The following INSL6 variants were observed in gnomAD, a reference collection of about 807,000 sequenced individuals.
The protein encoded by INSL6 is insulin like 6, also known as insulin-like peptide INSL6.
INSL6 carries 16 observed loss-of-function variants against 9.4 expected under a neutral mutation model. That is an observed-to-expected ratio of 1.70 (90% CI 1.15 to 2.59). The LOEUF is 2.59. Among genes scored for constraint, INSL6 ranks in the 30% most tolerant of loss-of-function variants. The pLI is 0.00. For synonymous variants in INSL6, 154 were observed against 96.9 expected (o/e 1.59, Z -3.46); for missense variants, 391 against 257.3 (o/e 1.52, Z -3.56).
At chr9:5,160,132 C>T (rs1188878929), downstream of INSL6, among the ~76,000 whole-genome samples, 2 of 147,844 alleles carry the variant, frequency 1.4e-5, no homozygotes, top group South Asian at 2.1e-4. Flanking sequence ...GCTGAGATAG[C>T]GCCATAGCAC....
chr9:4,999,440 A>G, the INSL6 span, among the ~76,000 whole-genome samples: 1 of 152,240 alleles, frequency 6.6e-6, no homozygotes, highest in African/African-American at 2.4e-5. Flanking sequence ...TAAAAATGAC[A>G]TTAGTCAAAG....
At chr9:4,997,712 G>A in the INSL6 span, among the ~76,000 whole-genome samples, 1 of 152,180 alleles carries the variant, frequency 6.6e-6, no homozygotes, top group Non-Finnish European at 1.5e-5. Context: ...TTTTATAAAG[G>A]TTTGATATGG....
intron 1 of INSL6, among the ~76,000 whole-genome samples, chr9:5,173,746 CT>C (rs1825235543): frequency 1.3e-5 from 2 of 151,242 alleles, no homozygotes; most frequent in African/African-American, 2.4e-5. Context: ...GCACATCTCG[CT>C]CATGTACTGC....
In INSL6 at chr9:5,185,619, T is replaced by G. The variant is rs771835746; in HGVS notation, c.-17A>C. 7 of 1,605,246 alleles carry G rather than the reference T, an allele frequency of 4.4e-6. No homozygotes were observed. In the South Asian group the frequency reaches 6.7e-5, roughly 15 times the overall value. ...CCGCGGCATCCCTGTGACCCCAGGCTAGTCCTCCGCGTTGTGCAATGGCGG... is the reference window on the plus strand; with the variant it reads ...CCGCGGCATCCCTGTGACCCCAGGCGAGTCCTCCGCGTTGTGCAATGGCGG... On this transcript the variant is annotated 5_prime_UTR_variant, in exon 1 of 2. Coordinates refer to ENST00000381641, the MANE Select transcript of INSL6 (RefSeq NM_007179.3).
the INSL6 span, chr9:5,112,910 C>G: frequency 3.4e-6 from 1 of 290,328 alleles, no homozygotes; most frequent in Non-Finnish European, 6.3e-6. Context: ...GCCCAGAACG[C>G]CCACTTGAGG....
At chr9:5,041,276 A>G in the INSL6 span, 1 of 1,155,244 alleles carries the variant, frequency 8.7e-7, no homozygotes, top group Non-Finnish European at 1.3e-6. Context: ...CGGGCTGGCC[A>G]AGGGGTACAC....
chr9:5,166,688 A>C (rs1159841320), intron 1 of INSL6, among the ~76,000 whole-genome samples: 1 of 152,186 alleles, frequency 6.6e-6, no homozygotes, highest in East Asian at 1.9e-4. Flanking sequence ...ATCACCTTCA[A>C]AAAAACACAG....
intron 2 of INSL6, among the ~76,000 whole-genome samples, chr9:5,154,054 A>G (rs1055301162): frequency 2.6e-5 from 4 of 152,210 alleles, no homozygotes; most frequent in Non-Finnish European, 5.9e-5. Context: ...GAGGCATCAC[A>G]CTACCTAACT....
the INSL6 span, among the ~76,000 whole-genome samples, chr9:5,042,350 G>A: frequency 1.3e-5 from 2 of 150,644 alleles, no homozygotes; most frequent in South Asian, 4.2e-4. Flanking sequence ...TGTTAGCCAG[G>A]ATGGTCTCGA....
chr9:5,163,528 G>A (rs1443817567), downstream of INSL6, among the ~76,000 whole-genome samples: 2 of 152,170 alleles, frequency 1.3e-5, no homozygotes, highest in Non-Finnish European at 2.9e-5. Flanking sequence ...CAGATGGGTC[G>A]ACATCTTGGA....
At chr9:5,138,916 T>G (rs1824436912) in intron 2 of INSL6, among the ~76,000 whole-genome samples, 1 of 132,680 alleles carries the variant, frequency 7.5e-6, no homozygotes, top group African/African-American at 3.0e-5. Context: ...AAAAAATAAA[T>G]ATAATAATCC....
At chr9:5,181,589 A>G (rs897173041) in intron 1 of INSL6, among the ~76,000 whole-genome samples, 5 of 152,234 alleles carry the variant, frequency 3.3e-5, no homozygotes, top group African/African-American at 1.2e-4. Context: ...CCTCTAATAC[A>G]TAAGGCAAAA....
At chr9:5,074,204 A>G in the INSL6 span, among the ~76,000 whole-genome samples, 1 of 152,130 alleles carries the variant, frequency 6.6e-6, no homozygotes, top group African/African-American at 2.4e-5. Context: ...ATATGATACT[A>G]GATATATTTT....
chr9:5,082,627 C>G, the INSL6 span, among the ~76,000 whole-genome samples: 5 of 152,240 alleles, frequency 3.3e-5, no homozygotes, highest in Non-Finnish European at 7.3e-5. Flanking sequence ...TCCCATCCCA[C>G]GAGGCCATAT....
At chr9:5,097,814 C>T in the INSL6 span, 2 of 152,196 alleles carry the variant, frequency 1.3e-5, no homozygotes, top group Non-Finnish European at 2.9e-5. Context: ...TCACCAGGAG[C>T]GGTGTTCGCC....
In INSL6 at chr9:5,164,065, C is replaced by A. The variant is rs368362599; in HGVS notation, c.490G>T (p.Gly164Trp). Reference sequence around the variant, plus strand: ...CTGCGTTTTCTTTGGGGATGATGCCCCCAAAACAAATTGCTTAAGGTTTTA... The same window carrying A: ...CTGCGTTTTCTTTGGGGATGATGCCACCAAAACAAATTGCTTAAGGTTTTA... Reference protein sequence around the residue: ...KIKTLSNLFWGHHPQRKRRGY... With the variant: ...KIKTLSNLFWWHHPQRKRRGY... The change falls in exon 2 of 2, where the codon GGG (glycine) becomes TGG (tryptophan). Residue 164 changes from glycine to tryptophan, a missense_variant. Coordinates refer to ENST00000381641, the MANE Select transcript of INSL6 (RefSeq NM_007179.3). 6.8e-6 allele frequency: 11 copies of A among 1,613,528 alleles called. No individual in the cohort carries two copies. In the African/African-American group the frequency reaches 9.4e-5, roughly 14 times the overall value.
At chr9:5,048,843 A>G in the INSL6 span, among the ~76,000 whole-genome samples, 1 of 152,220 alleles carries the variant, frequency 6.6e-6, no homozygotes, top group Non-Finnish European at 1.5e-5. Context: ...TAGAGTATAG[A>G]GGGCCCTTGT....
the INSL6 span, among the ~76,000 whole-genome samples, chr9:5,023,820 G>T: frequency 6.6e-6 from 1 of 152,140 alleles, no homozygotes; most frequent in Non-Finnish European, 1.5e-5. Flanking sequence ...ATATTGTAAA[G>T]TCTGTATTTT....
chr9:5,001,428 G>T, the INSL6 span, among the ~76,000 whole-genome samples: 1 of 152,176 alleles, frequency 6.6e-6, no homozygotes, highest in Admixed American at 6.5e-5. Context: ...TGCTTTTCCT[G>T]CAACAATTGG....
Sources: allele counts gnomAD v4.1 joint callset (sites outside exome capture counted in the v4.1 genomes callset), GRCh38; gene constraint gnomAD v4.1.1; transcripts MANE v1.5; gene names NCBI Gene and HGNC (gene_info 2026-07-23, HGNC 2026-07-21).